AFF3: variants seen among roughly 807,000 people sequenced by gnomAD.
AFF3 encodes the protein ALF transcription elongation factor 3.
In AFF3, 32 loss-of-function variants were observed where a neutral mutation model predicts 129.7. The observed-to-expected ratio is 0.25, with a 90% CI of 0.19 to 0.33. AFF3 has a LOEUF of 0.33. Ranked by LOEUF, AFF3 falls within the 10% of genes least tolerant of loss-of-function variation. The pLI is 1.00. For missense variants in AFF3, 1,373 were observed against 1,592.0 expected (o/e 0.86, Z 2.34); for synonymous variants, 644 against 635.4 (o/e 1.01, Z -0.20).
At chr2:99,642,611 T>G (rs1281160744) in intron 13 of AFF3, among the ~76,000 whole-genome samples, 1 of 152,244 alleles carries the variant, frequency 6.6e-6, no homozygotes, top group Non-Finnish European at 1.5e-5. Flanking sequence ...CCAGGTACTG[T>G]GCTAGGTGCT....
intron 11 of AFF3, among the ~76,000 whole-genome samples, chr2:99,716,490 G>A (rs770524335): frequency 6.6e-6 from 1 of 152,042 alleles, no homozygotes; most frequent in Non-Finnish European, 1.5e-5. Flanking sequence ...GGTTAGAGAG[G>A]ATAACACATG....
intron 4 of AFF3, among the ~76,000 whole-genome samples, chr2:100,021,294 C>G (rs981077622): frequency 6.6e-6 from 1 of 152,194 alleles, no homozygotes; most frequent in African/African-American, 2.4e-5. Context: ...AGAAGAGTGC[C>G]TGGCACTCTA....
intron 13 of AFF3, among the ~76,000 whole-genome samples, chr2:99,636,981 G>A (rs1428837801): frequency 1.3e-5 from 2 of 152,178 alleles, no homozygotes; most frequent in African/African-American, 2.4e-5. Context: ...AGCAGCTGCA[G>A]GGTGGTGTGC....
intron 8 of AFF3, among the ~76,000 whole-genome samples, chr2:99,775,126 T>G (rs1575943134): frequency 6.6e-6 from 1 of 152,242 alleles, no homozygotes; most frequent in East Asian, 1.9e-4. Context: ...AAGGAATGCT[T>G]TTATACTGTT....
chr2:99,782,647 T>C (rs1170007010), intron 8 of AFF3, among the ~76,000 whole-genome samples: 1 of 152,228 alleles, frequency 6.6e-6, no homozygotes, highest in African/African-American at 2.4e-5. Context: ...GGCTCAGGCC[T>C]CTCTTCTGAT....
intron 4 of AFF3, among the ~76,000 whole-genome samples, chr2:100,037,693 TTTTATATATTATATA>T (rs1423506067): frequency 8.1e-6 from 1 of 123,476 alleles, no homozygotes; most frequent in Non-Finnish European, 1.6e-5. Context: ...TATATTTATA[TTTTATATATTATATA>T]TTTATATATT....
chr2:99,714,906 A>T (rs1290942902), intron 11 of AFF3, among the ~76,000 whole-genome samples: 3 of 152,226 alleles, frequency 2.0e-5, no homozygotes, highest in Non-Finnish European at 2.9e-5. Flanking sequence ...AACATGTTGC[A>T]CTTTGCATGT....
At chr2:99,738,400 A>G (rs779407420) in intron 10 of AFF3, among the ~76,000 whole-genome samples, 5 of 152,038 alleles carry the variant, frequency 3.3e-5, no homozygotes, top group Non-Finnish European at 7.4e-5. Context: ...ATTGTTTGTC[A>G]ATCATATTTT....
chr2:99,992,435 T>C (rs1241601768), intron 7 of AFF3, among the ~76,000 whole-genome samples: 1 of 152,258 alleles, frequency 6.6e-6, no homozygotes, highest in Non-Finnish European at 1.5e-5. Flanking sequence ...GACGTTTTCA[T>C]ATCAAGTTAG....
At chr2:99,758,585 C>CAAAAAAA (rs5832882) in intron 8 of AFF3, among the ~76,000 whole-genome samples, 1 of 103,212 alleles carries the variant, frequency 9.7e-6, no homozygotes, top group African/African-American at 3.7e-5. Flanking sequence ...GACTCCATCT[C>CAAAAAAA]AAAAAAAAAA....
chr2:99,564,445 G>T (rs1215763970), intron 20 of AFF3, among the ~76,000 whole-genome samples: 1 of 152,132 alleles, frequency 6.6e-6, no homozygotes, highest in Non-Finnish European at 1.5e-5. Flanking sequence ...CATATAAAAA[G>T]ACAGTATAAA....
intron 8 of AFF3, among the ~76,000 whole-genome samples, chr2:99,755,165 T>C (rs1681984959): frequency 6.6e-6 from 1 of 152,106 alleles, no homozygotes; most frequent in Non-Finnish European, 1.5e-5. Flanking sequence ...GGACCCTCAC[T>C]AAAGATGAGC....
At chr2:99,980,045 A>AT (rs112397896) in intron 7 of AFF3, among the ~76,000 whole-genome samples, 48 of 151,754 alleles carry the variant, frequency 3.2e-4, no homozygotes, top group Middle Eastern at 6.8e-3. Flanking sequence ...GTTTCCAGCC[A>AT]TTTTTTTTAA....
chr2:99,770,838 T>G (rs563682339), intron 8 of AFF3, among the ~76,000 whole-genome samples: 7 of 152,290 alleles, frequency 4.6e-5, no homozygotes, highest in South Asian at 4.1e-4. Context: ...TATCCCTCTG[T>G]GGCTGAGCTG....
At chr2:99,902,736 T>G (rs1312145418) in intron 7 of AFF3, among the ~76,000 whole-genome samples, 1 of 152,130 alleles carries the variant, frequency 6.6e-6, no homozygotes, top group African/African-American at 2.4e-5. Flanking sequence ...AAATTGATTT[T>G]AACGAAGAAT....
At chr2:99,849,337 C>T (rs1689967705) in intron 7 of AFF3, among the ~76,000 whole-genome samples, 1 of 152,248 alleles carries the variant, frequency 6.6e-6, no homozygotes, top group African/African-American at 2.4e-5. Flanking sequence ...AAGCAAATGT[C>T]CTAGCTCTTC....
intron 15 of AFF3, 146 bp downstream of exon 15, chr2:99,593,049 T>C (rs1255425869): frequency 3.0e-5 from 24 of 808,602 alleles, no homozygotes; most frequent in Non-Finnish European, 5.6e-6. Context: ...ACCCTAGAAG[T>C]GTGTGTTAGG....
intron 7 of AFF3, among the ~76,000 whole-genome samples, chr2:99,898,749 G>A (rs1373089860): frequency 1.3e-5 from 2 of 152,126 alleles, no homozygotes; most frequent in East Asian, 3.8e-4. Context: ...CCTGCCACCA[G>A]ACCAATTTTT....
At chr2:99,612,121 GT>G (rs1292664893) in intron 13 of AFF3, among the ~76,000 whole-genome samples, 1 of 152,120 alleles carries the variant, frequency 6.6e-6, no homozygotes, top group East Asian at 1.9e-4. Context: ...GCCTTATTAT[GT>G]TTGTTTTATA....
Sources: gnomAD v4.1 joint callset for allele counts (sites outside exome capture counted in the v4.1 genomes callset) on GRCh38, gnomAD v4.1.1 for gene constraint, MANE v1.5 for transcripts, NCBI Gene and HGNC (gene_info 2026-07-23, HGNC 2026-07-21) for gene names.